LRP1B: variants seen among roughly 807,000 people sequenced by gnomAD.
LRP1B encodes the protein low-density lipoprotein receptor-related protein 1B.
Under a neutral mutation model 556.6 loss-of-function variants are expected in LRP1B, and 217 were observed. The ratio of observed to expected loss-of-function variants is 0.39; its 90% CI spans 0.35 to 0.44. LRP1B has a LOEUF of 0.44. LRP1B is among the 20% of genes least tolerant of loss of function. LRP1B has a pLI of 1.00. For synonymous variants in LRP1B, 2,047 were observed against 1,865.8 expected, an observed-to-expected ratio of 1.10 and a Z score of -2.50; for missense variants, 5,053 against 5,620.8, an observed-to-expected ratio of 0.90 and a Z score of 3.23.
At chr2:142,048,405 C>A (rs538783391) in intron 1 of LRP1B, among the ~76,000 whole-genome samples, 1 of 152,152 alleles carries the variant, frequency 6.6e-6, no homozygotes, top group South Asian at 2.1e-4. Flanking sequence ...ATGGACTGAT[C>A]TTTACTTAGC....
intron 25 of LRP1B, among the ~76,000 whole-genome samples, chr2:140,868,910 A>G (rs183009268): frequency 2.0e-5 from 3 of 152,208 alleles, no homozygotes; most frequent in Admixed American, 2.0e-4. Context: ...CAAATTCCCA[A>G]GCAGCCAGAA....
intron 22 of LRP1B, among the ~76,000 whole-genome samples, chr2:140,904,562 T>C (rs1694193481): frequency 6.6e-6 from 1 of 152,100 alleles, no homozygotes; most frequent in African/African-American, 2.4e-5. Flanking sequence ...TTTATATGGG[T>C]CAACTCTTCT....
intron 3 of LRP1B, among the ~76,000 whole-genome samples, chr2:141,274,736 A>C (rs1685221297): frequency 6.6e-6 from 1 of 152,172 alleles, no homozygotes; most frequent in African/African-American, 2.4e-5. Context: ...CATTATTTTT[A>C]AATCACATAC....
chr2:141,432,854 T>C (rs1169656482), intron 3 of LRP1B, among the ~76,000 whole-genome samples: 2 of 151,996 alleles, frequency 1.3e-5, no homozygotes, highest in Non-Finnish European at 2.9e-5. Context: ...TCCGATTTCA[T>C]GTATTTGCTC....
At chr2:140,297,681 G>T in intron 84 of LRP1B, 127 bp downstream of exon 84, 1 of 964,556 alleles carries the variant, frequency 1.0e-6, no homozygotes, top group South Asian at 1.8e-5. Flanking sequence ...ATAATTGTTG[G>T]AGTGACAGAG....
chr2:140,388,280 A>G (rs1025617981), intron 66 of LRP1B, among the ~76,000 whole-genome samples: 3 of 152,118 alleles, frequency 2.0e-5, no homozygotes, highest in African/African-American at 7.2e-5. Flanking sequence ...GTTAGGATAT[A>G]AGAAAATAAG....
intron 31 of LRP1B, among the ~76,000 whole-genome samples, chr2:140,834,647 C>G (rs892153443): frequency 2.0e-5 from 3 of 152,180 alleles, no homozygotes; most frequent in African/African-American, 7.2e-5. Context: ...TCAGCTGTGT[C>G]TAAACAGCGG....
At chr2:140,865,439 G>C (rs1244524795) in intron 27 of LRP1B, among the ~76,000 whole-genome samples, 1 of 151,736 alleles carries the variant, frequency 6.6e-6, no homozygotes, top group African/African-American at 2.4e-5. Context: ...TTGTATTTGT[G>C]TTAATGCTGA....
intron 1 of LRP1B, among the ~76,000 whole-genome samples, chr2:142,032,094 C>T (rs79674905): frequency 0.031 from 4,741 of 151,938 alleles, 191 homozygotes; most frequent in East Asian, 0.17. Context: ...ATTAAAGTTT[C>T]TGAAGCCACT....
intron 1 of LRP1B, among the ~76,000 whole-genome samples, chr2:141,991,244 C>G (rs193269953): frequency 9.5e-4 from 145 of 152,016 alleles, no homozygotes; most frequent in African/African-American, 3.3e-3. Context: ...CCTAAGCAAC[C>G]ATCATTCTTT....
At chr2:142,084,242 A>G (rs910116313) in intron 1 of LRP1B, among the ~76,000 whole-genome samples, 7 of 152,154 alleles carry the variant, frequency 4.6e-5, no homozygotes, top group African/African-American at 1.7e-4. Context: ...TTGGCCTCCC[A>G]AAGTGTTGGG....
intron 32 of LRP1B, among the ~76,000 whole-genome samples, chr2:140,781,311 T>C (rs1353260091): frequency 6.6e-6 from 1 of 152,206 alleles, no homozygotes; most frequent in Non-Finnish European, 1.5e-5. Flanking sequence ...TAAAAGCTTA[T>C]CTTTCATCAT....
At chr2:140,803,098 A>G (rs1171193394) in intron 32 of LRP1B, among the ~76,000 whole-genome samples, 1 of 152,064 alleles carries the variant, frequency 6.6e-6, no homozygotes, top group Admixed American at 6.6e-5. Flanking sequence ...TTGCATTTTT[A>G]TACAATGATT....
At chr2:141,092,615 T>G (rs1401877918) in intron 7 of LRP1B, among the ~76,000 whole-genome samples, 1 of 152,170 alleles carries the variant, frequency 6.6e-6, no homozygotes, top group African/African-American at 2.4e-5. Flanking sequence ...ACCTAAAATA[T>G]TTCACAGTTT....
intron 2 of LRP1B, among the ~76,000 whole-genome samples, chr2:141,795,888 AT>A (rs1574368834): frequency 1.3e-5 from 1 of 78,290 alleles, no homozygotes; most frequent in East Asian, 6.1e-4. Context: ...ATATATATAT[AT>A]ATATATATAT....
chr2:140,364,596 G>A (rs1682666108), intron 72 of LRP1B, 65 bp downstream of exon 72: 2 of 1,571,692 alleles, frequency 1.3e-6, no homozygotes, highest in African/African-American at 1.4e-5. Context: ...CCACTTCATT[G>A]ATTCATGCTG....
chr2:140,336,300 GTAGTATTTGTT>G (rs1681091784), intron 77 of LRP1B, among the ~76,000 whole-genome samples: 1 of 151,298 alleles, frequency 6.6e-6, no homozygotes, highest in Admixed American at 6.6e-5. Flanking sequence ...TCATTGCTCA[GTAGTATTTGTT>G]TACTGTTCTG....
chr2:141,311,772 C>G (rs1019750511), intron 3 of LRP1B, among the ~76,000 whole-genome samples: 7 of 152,134 alleles, frequency 4.6e-5, no homozygotes, highest in African/African-American at 1.7e-4. Context: ...ACTTCCCAGA[C>G]TCCAGAATTG....
intron 1 of LRP1B, among the ~76,000 whole-genome samples, chr2:141,846,285 A>T (rs1441498342): frequency 1.3e-5 from 2 of 151,744 alleles, no homozygotes; most frequent in African/African-American, 4.8e-5. Context: ...ATATGTAGCT[A>T]AAATTGATAA....
Sources: allele counts gnomAD v4.1 joint callset (sites outside exome capture counted in the v4.1 genomes callset), GRCh38; gene constraint gnomAD v4.1.1; transcripts MANE v1.5; gene names NCBI Gene and HGNC (gene_info 2026-07-23, HGNC 2026-07-21).